The following PROSER1 variants were observed in gnomAD, a reference collection of about 807,000 sequenced individuals.
PROSER1 encodes the protein proline and serine-rich protein 1.
PROSER1 carries 36 observed loss-of-function variants against 71.8 expected under a neutral mutation model. The observed-to-expected ratio is 0.50, with a 90% CI of 0.38 to 0.66. The LOEUF (loss-of-function observed/expected upper bound fraction) is 0.66. Ranked by LOEUF, PROSER1 falls within the 30% of genes least tolerant of loss-of-function variation. The pLI, the probability that PROSER1 is intolerant of heterozygous loss-of-function variation, is 0.00. For synonymous variants in PROSER1, 490 were observed against 452.4 expected (o/e 1.08, Z -1.06); for missense variants, 1,107 against 1,135.0 (o/e 0.98, Z 0.35).
intron 2 of PROSER1, among the ~76,000 whole-genome samples, chr13:39,032,201 G>T (rs1307102519): frequency 6.6e-6 from 1 of 152,108 alleles, no homozygotes; most frequent in Non-Finnish European, 1.5e-5. Flanking sequence ...AATCTGGAGG[G>T]CATAAACTCA....
intron 12 of PROSER1, 87 bp downstream of exon 12, chr13:39,011,996 G>A (rs17058947): frequency 0.16 from 207,903 of 1,341,102 alleles, 17,340 homozygotes; most frequent in South Asian, 0.25. Flanking sequence ...CCAATGTTGG[G>A]ATATCGCAAA....
intron 5 of PROSER1, among the ~76,000 whole-genome samples, chr13:39,027,247 A>T: frequency 6.6e-6 from 1 of 152,140 alleles, no homozygotes; most frequent in East Asian, 1.9e-4. Flanking sequence ...TGGCTATAAT[A>T]AAGAGTACCG....
chr13:39,012,650 G>T, intron 11 of PROSER1, 41 bp downstream of exon 11: 2 of 1,387,718 alleles, frequency 1.4e-6, no homozygotes, highest in Non-Finnish European at 2.0e-6. Flanking sequence ...TACAAGTTAG[G>T]TGAAGAATAA....
intron 10 of PROSER1, among the ~76,000 whole-genome samples, chr13:39,016,154 C>G (rs772172424): frequency 6.6e-6 from 1 of 152,066 alleles, no homozygotes; most frequent in East Asian, 1.9e-4. Context: ...AAAAATGAAA[C>G]GAACAAAAAT....
In PROSER1 at chr13:39,011,138, CTT is replaced by C. The variant is rs1869627950; in HGVS notation, c.*225_*226del. 4.2e-6 allele frequency: 2 copies of C among 479,274 alleles called. No homozygotes were observed. The highest frequency in any genetic ancestry group is 4.0e-5 in the African/African-American group (2 of 50,626). 29.7% of individuals were successfully genotyped at this position (479,274 alleles called of 1,614,324 possible). A position where few individuals can be genotyped will look rare whatever the true frequency, so the allele number is the denominator to read the frequency against. Reference sequence around the variant, plus strand: ...AGGACAGGTGAAAAGTCTCCAAACACTTTTTAAATACCATTCTCCATACAATT... The same window carrying C: ...AGGACAGGTGAAAAGTCTCCAAACACTTTAAATACCATTCTCCATACAATT... On this transcript the variant is annotated 3_prime_UTR_variant, in exon 13 of 13. Transcript: ENST00000352251.
intron 3 of PROSER1, among the ~76,000 whole-genome samples, chr13:39,030,928 G>C (rs1315326064): frequency 6.6e-6 from 1 of 152,162 alleles, no homozygotes; most frequent in African/African-American, 2.4e-5. Flanking sequence ...CACTTTCTTA[G>C]GCTCATCAGT....
intron 3 of PROSER1, among the ~76,000 whole-genome samples, chr13:39,030,316 T>C (rs1050792378): frequency 2.6e-5 from 4 of 152,182 alleles, no homozygotes; most frequent in African/African-American, 9.7e-5. Context: ...ACTGGCGAAA[T>C]CAGTCTTCAG....
At chr13:39,034,030 G>C (rs1296054428) in intron 2 of PROSER1, 101 bp downstream of exon 2, 1 of 784,572 alleles carries the variant, frequency 1.3e-6, no homozygotes, top group African/African-American at 1.8e-5. Flanking sequence ...AATAAATACA[G>C]CAAAAAGGTA....
intron 9 of PROSER1, among the ~76,000 whole-genome samples, chr13:39,021,577 T>C (rs1255805731): frequency 6.6e-6 from 1 of 151,910 alleles, no homozygotes; most frequent in Non-Finnish European, 1.5e-5. Context: ...TCTCTACAAG[T>C]GGGGAACTAA....
At chr13:39,025,528 A>G (rs1870505881) in intron 6 of PROSER1, among the ~76,000 whole-genome samples, 1 of 152,212 alleles carries the variant, frequency 6.6e-6, no homozygotes, top group Admixed American at 6.5e-5. Flanking sequence ...GCCAGCTGCC[A>G]TGTCATGAGG....
rs764118336 is a variant in PROSER1, at chr13:39,013,900, G to A, written c.1352C>T (p.Ala451Val). The A allele has an allele frequency of 5.0e-6, 8 of 1,614,232 alleles. No homozygotes were observed. The highest frequency in any genetic ancestry group is 1.6e-4 in the Middle Eastern group (1 of 6,062). ...GGCAACGCTGGGAGTAGAGCCACCAGCAATTACAGGAGTCGGGTTGGATAG... is the reference window on the plus strand; with the variant it reads ...GGCAACGCTGGGAGTAGAGCCACCAACAATTACAGGAGTCGGGTTGGATAG... ...QGLSNPTPVI[A>V]GGSTPSVAGP... The change falls in exon 11 of 13, where the codon GCT becomes GTT. Residue 451 changes from alanine (A) to valine (V), a missense_variant. By Grantham distance (64) the Ala-to-Val change is moderately conservative. Coordinates refer to ENST00000352251, the MANE Select transcript of PROSER1 (RefSeq NM_025138.5).
At chr13:39,032,368 T>C (rs1194787368) in intron 2 of PROSER1, among the ~76,000 whole-genome samples, 2 of 152,086 alleles carry the variant, frequency 1.3e-5, no homozygotes, top group Non-Finnish European at 2.9e-5. Flanking sequence ...CATTATGAGA[T>C]AGCCAGTAAG....
At chr13:39,032,606 T>C (rs940928817) in intron 2 of PROSER1, among the ~76,000 whole-genome samples, 3 of 152,146 alleles carry the variant, frequency 2.0e-5, no homozygotes, top group Admixed American at 1.3e-4. Flanking sequence ...TAAAGAGATA[T>C]ATATATATAG....
At position 39,013,066 on chromosome 13, in the gene PROSER1, G is replaced by A. The variant is rs1869763204; in HGVS notation, c.2186C>T (p.Ser729Leu). 1 of 1,614,154 alleles carries A rather than the reference G, an allele frequency of 6.2e-7. No homozygotes were observed. Among genetic ancestry groups the A allele is most frequent in the Non-Finnish European group, 8.5e-7 (1 of 1,180,004 alleles). The change falls in exon 11 of 13, where the codon TCA (serine) becomes TTA (leucine). Residue 729 changes from serine to leucine, a missense_variant. Physicochemically the swap from Ser to Leu is moderately radical, Grantham distance 145 (BLOSUM62 -2). Coordinates refer to ENST00000352251, the MANE Select transcript of PROSER1 (RefSeq NM_025138.5). ...AGATGTGGAGGTGGCAGCGGTAGATGAGGTGGCTATTAATGACCCTGGGAG... is the reference window on the plus strand; with the variant it reads ...AGATGTGGAGGTGGCAGCGGTAGATAAGGTGGCTATTAATGACCCTGGGAG... Reference protein sequence around the residue: ...VSLPGSLIATSSTAATSTSLP... With the variant: ...VSLPGSLIATLSTAATSTSLP...
chr13:39,014,676 G>C (rs985570674), intron 10 of PROSER1, among the ~76,000 whole-genome samples, 200 bp from the exon 11 acceptor site: 1 of 152,152 alleles, frequency 6.6e-6, no homozygotes, highest in Non-Finnish European at 1.5e-5. Flanking sequence ...TCCAGTTTTC[G>C]TCTAGACTCT....
intron 1 of PROSER1, among the ~76,000 whole-genome samples, chr13:39,036,277 TGAAAAAA>T (rs1229974778): frequency 6.6e-6 from 1 of 152,020 alleles, no homozygotes; most frequent in Non-Finnish European, 1.5e-5. Flanking sequence ...CACGTCAATT[TGAAAAAA>T]GAAAAAAGCT....
intron 7 of PROSER1, chr13:39,023,462 A>G (rs541714946): frequency 1.5e-5 from 3 of 195,306 alleles, no homozygotes; most frequent in Admixed American, 1.1e-4. Flanking sequence ...TTCCTCCTAC[A>G]TAACAAAGAC....
At chr13:39,017,377 A>G (rs777870943) in intron 10 of PROSER1, 123 bp downstream of exon 10, 8 of 684,782 alleles carry the variant, frequency 1.2e-5, no homozygotes, top group African/African-American at 1.9e-5. Context: ...TATGAATTAT[A>G]TTCTTTAACC....
intron 1 of PROSER1, among the ~76,000 whole-genome samples, chr13:39,035,103 T>C (rs569231088): frequency 2.0e-5 from 3 of 152,318 alleles, no homozygotes; most frequent in South Asian, 4.1e-4. Flanking sequence ...TTCACATATA[T>C]CATTCTGCTA....
Sources: gnomAD v4.1 joint callset for allele counts (sites outside exome capture counted in the v4.1 genomes callset) on GRCh38, gnomAD v4.1.1 for gene constraint, MANE v1.5 for transcripts, NCBI Gene and HGNC (gene_info 2026-07-23, HGNC 2026-07-21) for gene names.